CFAP47: variants seen among roughly 807,000 people sequenced by gnomAD.
The protein encoded by CFAP47 is cilia- and flagella-associated protein 47.
A neutral mutation model predicts 148.1 loss-of-function variants in CFAP47; 29 were observed. The ratio of observed to expected loss-of-function variants is 0.20; its 90% CI spans 0.15 to 0.27. The LOEUF is 0.27. Ranked by LOEUF, CFAP47 falls within the 10% of genes least tolerant of loss-of-function variation. CFAP47 has a pLI of 1.00. For synonymous variants in CFAP47, 664 were observed against 577.3 expected, an observed-to-expected ratio of 1.15 and a Z score of -2.15; for missense variants, 1,872 against 1,697.5, an observed-to-expected ratio of 1.10 and a Z score of -1.81.
intron 60 of CFAP47, among the ~76,000 whole-genome samples, chrX:36,357,297 A>C (rs1941793347): frequency 8.9e-6 from 1 of 111,883 alleles, no homozygotes; most frequent in Non-Finnish European, 1.9e-5. Context: ...GATAAGTAGG[A>C]GATAAGAATT....
chrX:36,098,135 C>T (rs1167936627), intron 30 of CFAP47, among the ~76,000 whole-genome samples: 1 of 112,064 alleles, frequency 8.9e-6, no homozygotes, highest in African/African-American at 3.2e-5. Flanking sequence ...TTTTCAACTC[C>T]AGAATTCCTA....
chrX:36,202,597 GC>G, intron 44 of CFAP47, among the ~76,000 whole-genome samples: 1 of 111,540 alleles, frequency 9.0e-6, no homozygotes, highest in Non-Finnish European at 1.9e-5. Context: ...GCTCTTACTG[GC>G]CAGGCGTGGT....
intron 39 of CFAP47, among the ~76,000 whole-genome samples, chrX:36,164,995 G>A (rs182843627): frequency 2.6e-3 from 295 of 111,353 alleles, no homozygotes; most frequent in African/African-American, 9.4e-3. Flanking sequence ...GGCCTTCTTC[G>A]CTTCTATGAG....
At chrX:35,952,037 A>T in intron 6 of CFAP47, 74 bp downstream of exon 6, 8 of 1,012,918 alleles carry the variant, frequency 7.9e-6, no homozygotes, top group Non-Finnish European at 1.0e-5. Flanking sequence ...AATCAGATTC[A>T]CTTTAATACT....
intron 15 of CFAP47, among the ~76,000 whole-genome samples, chrX:35,983,869 A>G (rs1268354913): frequency 9.0e-6 from 1 of 111,623 alleles, no homozygotes; most frequent in Non-Finnish European, 1.9e-5. Flanking sequence ...CTTGCTAGTA[A>G]TTTGCTAAGA....
At chrX:36,338,021 C>A (rs1022482516) in intron 57 of CFAP47, among the ~76,000 whole-genome samples, 61 of 102,980 alleles carry the variant, frequency 5.9e-4, no homozygotes, top group African/African-American at 2.1e-3. Context: ...AGGCGCCCGC[C>A]ACTACGCCTG....
intron 8 of CFAP47, among the ~76,000 whole-genome samples, chrX:35,958,770 A>G (rs1343581400): frequency 8.9e-6 from 1 of 112,121 alleles, no homozygotes; most frequent in Non-Finnish European, 1.9e-5. Flanking sequence ...TGAACATGTG[A>G]TGTTCTATGG....
At chrX:36,139,626 C>G (rs1335034782) in intron 35 of CFAP47, among the ~76,000 whole-genome samples, 1 of 111,209 alleles carries the variant, frequency 9.0e-6, no homozygotes, top group Non-Finnish European at 1.9e-5. Context: ...AGGATTTAAA[C>G]ATAATAAGCT....
At chrX:36,302,394 T>A (rs1407379900) in intron 53 of CFAP47, among the ~76,000 whole-genome samples, 2 of 111,494 alleles carry the variant, frequency 1.8e-5, no homozygotes, top group African/African-American at 6.5e-5. Flanking sequence ...TTATATAATT[T>A]GAATTTATGA....
chrX:36,269,909 A>G (rs1940938249), intron 49 of CFAP47, among the ~76,000 whole-genome samples: 1 of 111,827 alleles, frequency 8.9e-6, no homozygotes, highest in African/African-American at 3.2e-5. Context: ...GAAATCATAC[A>G]GTGTGCACAG....
chrX:36,354,439 C>A (rs1455712778), intron 60 of CFAP47, among the ~76,000 whole-genome samples: 2 of 100,833 alleles, frequency 2.0e-5, no homozygotes, highest in Non-Finnish European at 4.0e-5. Flanking sequence ...CGAGATCGTG[C>A]CACTGCACTC....
At chrX:35,935,597 T>C (rs1935900458) in intron 2 of CFAP47, among the ~76,000 whole-genome samples, 1 of 106,458 alleles carries the variant, frequency 9.4e-6, no homozygotes, top group African/African-American at 3.5e-5. Context: ...ATATAGATAG[T>C]TGTTAAATTG....
intron 29 of CFAP47, among the ~76,000 whole-genome samples, chrX:36,075,737 GTTCATGA>G (rs1377547269): frequency 5.7e-4 from 63 of 111,036 alleles, no homozygotes; most frequent in Admixed American, 3.9e-3. Context: ...CCATCTTTTT[GTTCATGA>G]GTACCCAATA....
At chrX:36,233,999 G>A (rs1221240868) in intron 46 of CFAP47, among the ~76,000 whole-genome samples, 1 of 111,003 alleles carries the variant, frequency 9.0e-6, no homozygotes, top group African/African-American at 3.3e-5. Flanking sequence ...TTAGTCTGAT[G>A]GGTTTCCCTT....
chrX:36,297,474 A>C (rs929453052), intron 51 of CFAP47, among the ~76,000 whole-genome samples: 3 of 112,520 alleles, frequency 2.7e-5, no homozygotes, highest in African/African-American at 6.5e-5. Context: ...TAAAACATTT[A>C]GGCAACTGGA....
At chrX:36,274,689 G>A (rs1472423364) in intron 49 of CFAP47, among the ~76,000 whole-genome samples, 1 of 111,864 alleles carries the variant, frequency 8.9e-6, no homozygotes, top group Non-Finnish European at 1.9e-5. Context: ...AACTGATTTT[G>A]CATGTTGATT....
intron 48 of CFAP47, among the ~76,000 whole-genome samples, chrX:36,250,335 A>T (rs1940676147): frequency 9.0e-6 from 1 of 111,067 alleles, no homozygotes; most frequent in Non-Finnish European, 1.9e-5. Context: ...GCATGATCTC[A>T]ATTATATGTG....
At chrX:36,071,085 T>C (rs984963796) in intron 27 of CFAP47, among the ~76,000 whole-genome samples, 17 of 112,467 alleles carry the variant, frequency 1.5e-4, no homozygotes, top group African/African-American at 5.5e-4. Context: ...CCTCTTCAAT[T>C]AAGCCGTTTA....
chrX:36,012,526 G>A (rs1444544533), intron 21 of CFAP47, among the ~76,000 whole-genome samples: 6 of 111,717 alleles, frequency 5.4e-5, no homozygotes, highest in African/African-American at 2.0e-4. Context: ...GGACACGGAT[G>A]AAGCTGGAAG....
Sources: allele counts gnomAD v4.1 joint callset (sites outside exome capture counted in the v4.1 genomes callset), GRCh38; gene constraint gnomAD v4.1.1; transcripts MANE v1.5; gene names NCBI Gene and HGNC (gene_info 2026-07-23, HGNC 2026-07-21).